Variants in FGF12 observed in about 807,000 individuals in gnomAD.
FGF12 encodes fibroblast growth factor 12.
Under a neutral mutation model 23.6 loss-of-function variants are expected in FGF12, and 14 were observed. The ratio of observed to expected loss-of-function variants is 0.59; its 90% confidence interval spans 0.39 to 0.93. FGF12 has a LOEUF of 0.93. Ranked by LOEUF, FGF12 falls within the 40% of genes least tolerant of loss-of-function variation. The probability of loss-of-function intolerance (pLI) is 0.00; values close to 1 mark genes in which losing one functional copy is unlikely to be tolerated. For synonymous variants in FGF12, 62 were observed against 77.3 expected, an observed-to-expected ratio of 0.80 and a Z score of 1.04; for missense variants, 175 against 217.8, an observed-to-expected ratio of 0.80 and a Z score of 1.24.
chr3:192,269,423 A>G (rs1186017063), intron 4 of FGF12, among the ~76,000 whole-genome samples: 5 of 152,196 alleles, frequency 3.3e-5, no homozygotes, highest in African/African-American at 1.2e-4. Context: ...TACTGGTTAA[A>G]TGTGAACTCT....
At chr3:192,503,536 A>G (rs1308962945) in intron 2 of FGF12, among the ~76,000 whole-genome samples, 1 of 149,090 alleles carries the variant, frequency 6.7e-6, no homozygotes, top group Admixed American at 6.7e-5. Flanking sequence ...TTTTTTCTGA[A>G]TTCTATGGAT....
At position 192,163,911 on chromosome 3, in the gene FGF12, T is replaced by G. The variant is rs115551945; in HGVS notation, c.427+6547A>C. ...GGAGAAATAAATCAATATTCCTTTATTCCAAGTTTAATACTTCTGTATGGA... is the reference window on the plus strand; with the variant it reads ...GGAGAAATAAATCAATATTCCTTTAGTCCAAGTTTAATACTTCTGTATGGA... On this transcript the variant is annotated intron_variant, in intron 5 of 5. Coordinates refer to ENST00000445105, the MANE Select transcript of FGF12 (RefSeq NM_004113.6). 6.8e-3 allele frequency among the ~76,000 whole-genome samples: 1,028 copies of G among 152,200 alleles called. 13 individuals are homozygous for G. The highest frequency in any genetic ancestry group is 0.023 in the African/African-American group (960 of 41,532).
At chr3:192,337,014 G>C (rs1002269453) in intron 3 of FGF12, among the ~76,000 whole-genome samples, 1 of 152,006 alleles carries the variant, frequency 6.6e-6, no homozygotes, top group African/African-American at 2.4e-5. Context: ...TAGATTAATT[G>C]TTGGCTCAAT....
intron 3 of FGF12, among the ~76,000 whole-genome samples, chr3:192,342,394 A>G (rs1717735121): frequency 6.6e-6 from 1 of 152,100 alleles, no homozygotes; most frequent in South Asian, 2.1e-4. Context: ...GGGTAGGAGT[A>G]TGTGTGTGTG....
intron 2 of FGF12, among the ~76,000 whole-genome samples, chr3:192,478,395 C>T (rs1577007603): frequency 6.6e-6 from 1 of 150,800 alleles, no homozygotes; most frequent in African/African-American, 2.5e-5. Context: ...ACTATATATC[C>T]TCCTACTCCA....
At chr3:192,239,899 C>A (rs2093120027) in intron 4 of FGF12, among the ~76,000 whole-genome samples, 1 of 152,082 alleles carries the variant, frequency 6.6e-6, no homozygotes, top group African/African-American at 2.4e-5. Context: ...GGTTGGAAAG[C>A]CCCAGTAAAT....
At chr3:192,460,143 T>C (rs1304965251) in intron 2 of FGF12, among the ~76,000 whole-genome samples, 1 of 152,146 alleles carries the variant, frequency 6.6e-6, no homozygotes, top group African/African-American at 2.4e-5. Context: ...GGGAACACTC[T>C]GTTGACTGTT....
intron 2 of FGF12, among the ~76,000 whole-genome samples, chr3:192,532,801 C>A (rs1016058311): frequency 6.6e-6 from 1 of 152,176 alleles, no homozygotes; most frequent in African/African-American, 2.4e-5. Flanking sequence ...ATCACTATTT[C>A]TTATGGTTTT....
At chr3:192,223,671 G>GT (rs1308749432) in intron 4 of FGF12, among the ~76,000 whole-genome samples, 4 of 151,948 alleles carry the variant, frequency 2.6e-5, no homozygotes, top group Non-Finnish European at 5.9e-5. Context: ...TATGTTTGCC[G>GT]TAACTGTCTA....
intron 2 of FGF12, among the ~76,000 whole-genome samples, chr3:192,683,549 T>C (rs960695407): frequency 1.3e-5 from 2 of 152,288 alleles, no homozygotes; most frequent in Admixed American, 6.5e-5. Flanking sequence ...GAGGACACAC[T>C]TGTCTGCACC....
chr3:192,144,565 T>G (rs1713588528), intron 5 of FGF12, among the ~76,000 whole-genome samples: 1 of 152,230 alleles, frequency 6.6e-6, no homozygotes, highest in South Asian at 2.1e-4. Flanking sequence ...ACTGAAATAT[T>G]TATTGCCATT....
intron 2 of FGF12, among the ~76,000 whole-genome samples, chr3:192,588,428 A>G (rs1713481429): frequency 6.6e-6 from 1 of 151,494 alleles, no homozygotes. Flanking sequence ...TAAAACAGTA[A>G]TGATGTTAGG....
chr3:192,158,363 T>TTTCTTTCTTTCTTTCTTTC lies in FGF12; in HGVS notation c.427+12076_427+12094dup, dbSNP rs1560171381. 5.6e-4 allele frequency among the ~76,000 whole-genome samples: 61 copies of TTTCTTTCTTTCTTTCTTTC among 108,506 alleles called. 1 individual carries two copies. The highest frequency in any genetic ancestry group is 2.2e-3 in the African/African-American group (57 of 26,130). 71.2% of individuals were successfully genotyped at this position (108,506 alleles called of 152,430 possible). On this transcript the variant is annotated intron_variant, in intron 5 of 5. Coordinates refer to ENST00000445105, the MANE Select transcript of FGF12 (RefSeq NM_004113.6). ...CTTTCTTTCTTTCTTTCTTTCTTTC[T>TTTCTTTCTTTCTTTCTTTC]TTCTTTCTTTCTTTCTTTCTTTTCT...
chr3:192,353,366 CTTT>C (rs34992097), intron 3 of FGF12, among the ~76,000 whole-genome samples: 7 of 98,388 alleles, frequency 7.1e-5, no homozygotes, highest in African/African-American at 1.3e-4. Flanking sequence ...GAGCAGAAGT[CTTT>C]TTTTTTTTTT....
chr3:192,306,673 G>T (rs1442088701), intron 4 of FGF12, among the ~76,000 whole-genome samples: 3 of 152,186 alleles, frequency 2.0e-5, no homozygotes, highest in Admixed American at 6.5e-5. Flanking sequence ...ATGGTTTTCT[G>T]GTGGCCCCAG....
At chr3:192,477,996 A>T (rs537624867) in intron 2 of FGF12, among the ~76,000 whole-genome samples, 2 of 152,186 alleles carry the variant, frequency 1.3e-5, no homozygotes, top group African/African-American at 2.4e-5. Flanking sequence ...TGTGTGACTG[A>T]TAAGCACACT....
chr3:192,491,302 T>C (rs973762206), intron 2 of FGF12, among the ~76,000 whole-genome samples: 1 of 152,190 alleles, frequency 6.6e-6, no homozygotes, highest in African/African-American at 2.4e-5. Context: ...CTGTGCTATG[T>C]CATACTGCAA....
intron 4 of FGF12, among the ~76,000 whole-genome samples, chr3:192,278,211 T>G (rs1327784374): frequency 2.6e-5 from 4 of 152,206 alleles, no homozygotes; most frequent in Non-Finnish European, 5.9e-5. Flanking sequence ...GACTAAGGCA[T>G]CAGGGAATAG....
intron 2 of FGF12, among the ~76,000 whole-genome samples, chr3:192,656,674 A>G (rs1243189148): frequency 1.3e-5 from 2 of 152,188 alleles, no homozygotes; most frequent in Non-Finnish European, 2.9e-5. Flanking sequence ...TAACAATGCC[A>G]GCTACTTCAA....
Sources: allele counts gnomAD v4.1 joint callset (sites outside exome capture counted in the v4.1 genomes callset), GRCh38; gene constraint gnomAD v4.1.1; transcripts MANE v1.5; gene names NCBI Gene and HGNC (gene_info 2026-07-23, HGNC 2026-07-21).